The following KCNK5 variants were observed in gnomAD, a reference collection of about 807,000 sequenced individuals.
KCNK5 encodes the protein potassium two pore domain channel subfamily K member 5.
Under a neutral mutation model 32.9 loss-of-function variants are expected in KCNK5, and 18 were observed. The observed-to-expected ratio is 0.55, with a 90% confidence interval of 0.38 to 0.81. The LOEUF (loss-of-function observed/expected upper bound fraction) is 0.81. Among genes scored for constraint, KCNK5 ranks in the 30% least tolerant of loss-of-function variants. The pLI, the probability that KCNK5 is intolerant of heterozygous loss-of-function variation, is 0.00. For missense variants in KCNK5, 507 were observed against 651.0 expected (o/e 0.78, Z 2.41); for synonymous variants, 276 against 275.3 (o/e 1.00, Z -0.03).
intron 1 of KCNK5, among the ~76,000 whole-genome samples, chr6:39,221,428 C>T (rs1302633684): frequency 6.6e-6 from 1 of 152,050 alleles, no homozygotes; most frequent in African/African-American, 2.4e-5. Flanking sequence ...CTAGGCAAGT[C>T]ACCTGGCCTC....
chr6:39,191,100 T>G lies in KCNK5; in HGVS notation c.1290A>C (p.Ser430=). 6.2e-7 allele frequency: 1 copy of G among 1,614,178 alleles called. No individual in the cohort carries two copies. The highest frequency in any genetic ancestry group is 1.1e-5 in the South Asian group (1 of 91,088). Reference sequence around the variant, plus strand: ...GCGAGGACTTGGAGGTCTCCTCGTCTGAGAGGCCAGCCTCCGTGTTCACGA... The same window carrying G: ...GCGAGGACTTGGAGGTCTCCTCGTCGGAGAGGCCAGCCTCCGTGTTCACGA... ...ITFVNTEAGL[S]DEETSKSSLE... The change falls in exon 5 of 5, where the codon TCA becomes TCC. Residue 430 remains serine, a synonymous_variant. Transcript: ENST00000359534. This position sits in a 1 kb window ranked among gnomAD's most constrained non-coding sequence, Gnocchi z 5.8.
intron 1 of KCNK5, among the ~76,000 whole-genome samples, chr6:39,217,140 A>AAAAAAAAAG (rs1562057367): frequency 1.4e-5 from 2 of 146,306 alleles, no homozygotes; most frequent in African/African-American, 5.0e-5. Context: ...AAAAAAAAAA[A>AAAAAAAAAG]AAAGAAAGAA....
rs1434068869 is a variant in KCNK5, at chr6:39,194,621, C to G, written c.438G>C (p.Gln146His). ...GACTCACACCTCTCTTGGTAAGGAA[C>G]TGCCCTAGTCTCTTGGCACGTCCCC... The part of the protein sequence containing the change: ...FFGGRAKRLG[Q>H]FLTKRGVSLR... The change falls in exon 3 of 5, where the codon CAG becomes CAC. Residue 146 changes from glutamine to histidine, a missense_variant. By Grantham distance (24) the Gln-to-His change is conservative. Coordinates refer to ENST00000359534, the MANE Select transcript of KCNK5 (RefSeq NM_003740.4). This position sits in a 1 kb window ranked among gnomAD's most constrained non-coding sequence, Gnocchi z 4.7. The G allele has an allele frequency of 6.2e-7, 1 of 1,614,186 alleles. No homozygotes were observed. The highest frequency in any genetic ancestry group is 1.7e-5 in the Admixed American group (1 of 60,032).
chr6:39,227,118 C>A (rs888436349), intron 1 of KCNK5, among the ~76,000 whole-genome samples: 2 of 151,916 alleles, frequency 1.3e-5, no homozygotes, highest in Non-Finnish European at 2.9e-5. Context: ...CCGCCCCCCC[C>A]GCCGTATGCC....
In KCNK5 at chr6:39,194,480, A is replaced by G. The variant is rs550378815; in HGVS notation, c.465+114T>C. 7.0e-6 allele frequency: 10 copies of G among 1,436,092 alleles called. No homozygotes were observed. The highest frequency in any genetic ancestry group is 4.1e-5 in the Admixed American group (2 of 48,424). 89.0% of individuals were successfully genotyped at this position (1,436,092 alleles called of 1,614,324 possible). On this transcript the variant is annotated intron_variant, in intron 3 of 4. Coordinates refer to ENST00000359534, the MANE Select transcript of KCNK5 (RefSeq NM_003740.4). This position sits in a 1 kb window ranked among gnomAD's most constrained non-coding sequence, Gnocchi z 4.7. ...CGGGAGGGCAAGGAGCTCTGAAACTATCCTCTTGCCATCTGTCCTTACACC... is the reference window on the plus strand; with the variant it reads ...CGGGAGGGCAAGGAGCTCTGAAACTGTCCTCTTGCCATCTGTCCTTACACC...
rs770376948 is a variant in KCNK5, at chr6:39,191,123, CGAA to C, written c.1264_1266del (p.Phe422del). ...TCTGAGAGGCCAGCCTCCGTGTTCACGAAGGTGATGCTGGCGTCCTGGAAGATG... is the reference window on the plus strand; with the variant it reads ...TCTGAGAGGCCAGCCTCCGTGTTCACGGTGATGCTGGCGTCCTGGAAGATG... On this transcript the variant is annotated inframe_deletion, in exon 5 of 5. Coordinates refer to ENST00000359534, the MANE Select transcript of KCNK5 (RefSeq NM_003740.4). The surrounding 1 kb of genome is among the most constrained non-coding windows in gnomAD (Gnocchi z 5.8). The C allele has an allele frequency of 6.2e-7, 1 of 1,614,068 alleles. No individual in the cohort carries two copies. Among genetic ancestry groups the C allele is most frequent in the Admixed American group, 1.7e-5 (1 of 60,010 alleles).
chr6:39,202,584 G>A (rs958554595), intron 1 of KCNK5, among the ~76,000 whole-genome samples: 4 of 152,186 alleles, frequency 2.6e-5, no homozygotes, highest in Non-Finnish European at 5.9e-5. Context: ...CTTCCTGCAG[G>A]GAGGCCTGTC....
At chr6:39,213,552 C>T (rs948300335) in intron 1 of KCNK5, among the ~76,000 whole-genome samples, 3 of 152,198 alleles carry the variant, frequency 2.0e-5, no homozygotes, top group African/African-American at 7.2e-5. Context: ...GTCTAAGGGT[C>T]TCCCATGCCA....
chr6:39,228,889 G>A (rs749397707), intron 1 of KCNK5, 37 bp downstream of exon 1: 1 of 1,605,316 alleles, frequency 6.2e-7, no homozygotes, highest in Non-Finnish European at 8.5e-7. Context: ...GCTCAAGCCA[G>A]CTTCAGATGT....
intron 1 of KCNK5, among the ~76,000 whole-genome samples, chr6:39,224,629 T>G (rs770214956): frequency 2.6e-5 from 4 of 152,100 alleles, no homozygotes; most frequent in Non-Finnish European, 5.9e-5. Flanking sequence ...CTTTGGAGCT[T>G]AGGAAGGAAG....
At chr6:39,214,514 T>C (rs1771395489) in intron 1 of KCNK5, among the ~76,000 whole-genome samples, 1 of 152,194 alleles carries the variant, frequency 6.6e-6, no homozygotes. Context: ...CTGTTGGTGC[T>C]GCCTCTGGGC....
Position 39,190,927 on chromosome 6 carries a change from T to C in KCNK5, c.1463A>G (p.Asn488Ser). ...GGGGCTGTTAGCCTTGTTGTACTCA[T>C]TCATCAGCTGTTCGTAAGGCACAGA... ...ELSVPYEQLM[N>S]EYNKANSPKG... The change falls in exon 5 of 5, where the codon AAT becomes AGT. Residue 488 changes from asparagine to serine, a missense_variant. Coordinates refer to ENST00000359534, the MANE Select transcript of KCNK5 (RefSeq NM_003740.4). 2 of 1,487,906 alleles carry C rather than the reference T, an allele frequency of 1.3e-6. No homozygotes were observed. The highest frequency in any genetic ancestry group is 1.8e-6 in the Non-Finnish European group (2 of 1,119,710). 92.2% of individuals were successfully genotyped at this position (1,487,906 alleles called of 1,614,324 possible). A position where few individuals can be genotyped will look rare whatever the true frequency, so the allele number is the denominator to read the frequency against.
chr6:39,214,907 C>T (rs950780191), intron 1 of KCNK5, among the ~76,000 whole-genome samples: 2 of 152,196 alleles, frequency 1.3e-5, no homozygotes, highest in South Asian at 2.1e-4. Context: ...CCCACCAACC[C>T]CAAAGGCAGA....
Position 39,194,329 on chromosome 6 carries a change from C to T in KCNK5, c.474G>A (p.Ala158=), listed in dbSNP as rs141691781. The T allele has an allele frequency of 3.6e-4, 580 of 1,603,066 alleles. 3 individuals carry two copies. The African/African-American group carries it at 6.2e-3, about 17-fold the overall frequency. The change falls in exon 4 of 5, where the codon GCG becomes GCA. Residue 158 remains alanine (A), a synonymous_variant. Transcript: ENST00000359534. This position sits in a 1 kb window ranked among gnomAD's most constrained non-coding sequence, Gnocchi z 4.7. The part of the protein sequence containing the change: ...LTKRGVSLRK[A]QITCTVIFIV... ...TGAAGATGACTGTGCACGTGATCTG[C>T]GCCTTCCGCTGATGGGGAGCAGGAG... is the stretch of plus-strand genomic sequence containing the variant.
In KCNK5 at chr6:39,189,422, G is replaced by GA. The variant is rs1024248896; in HGVS notation, c.*1467dup. The stretch of plus-strand genomic sequence containing the variant: ...CATCATGGCCTTGGATGAGGTCACC[G>GA]AAAAAGGCCCAATTGAGTTGCAGGG... On this transcript the variant is annotated 3_prime_UTR_variant, in exon 5 of 5. Transcript: ENST00000359534. 2 of 152,522 alleles carry GA rather than the reference G, an allele frequency of 1.3e-5. No individual in the cohort carries two copies. Among genetic ancestry groups the GA allele is most frequent in the Non-Finnish European group, 2.9e-5 (2 of 68,034 alleles). The allele number at this position is 152,522 out of a possible 1,614,324, so 9.4% of individuals were successfully genotyped here. A position where few individuals can be genotyped will look rare whatever the true frequency, so the allele number is the denominator to read the frequency against.
intron 1 of KCNK5, among the ~76,000 whole-genome samples, chr6:39,221,396 T>C (rs1253941461): frequency 6.6e-6 from 1 of 152,162 alleles, no homozygotes; most frequent in Non-Finnish European, 1.5e-5. Context: ...TCAATCTCAG[T>C]CCTCTATCCA....
intron 4 of KCNK5, among the ~76,000 whole-genome samples, chr6:39,192,063 G>A (rs1253524656): frequency 6.6e-6 from 1 of 152,028 alleles, no homozygotes; most frequent in Non-Finnish European, 1.5e-5. Flanking sequence ...GGAGGTCAAG[G>A]CAGGTGGATC....
chr6:39,192,162 C>T (rs1172452673), intron 4 of KCNK5, among the ~76,000 whole-genome samples: 3 of 151,370 alleles, frequency 2.0e-5, no homozygotes, highest in East Asian at 3.9e-4. Flanking sequence ...GGTATGGTGG[C>T]GGGCCAGCTA....
chr6:39,224,898 T>A (rs988065711), intron 1 of KCNK5, among the ~76,000 whole-genome samples: 8 of 152,060 alleles, frequency 5.3e-5, no homozygotes, highest in African/African-American at 1.9e-4. Context: ...TTTTTTTTTT[T>A]CTTTAATCTT....
Sources: gnomAD v4.1 joint callset for allele counts (sites outside exome capture counted in the v4.1 genomes callset) on GRCh38, gnomAD v4.1.1 for gene constraint, Gnocchi (gnomAD v3.1) non-coding constraint, MANE v1.5 for transcripts, NCBI Gene and HGNC (gene_info 2026-07-23, HGNC 2026-07-21) for gene names.